KIAA1549: variants seen among roughly 807,000 people sequenced by gnomAD.
The protein encoded by KIAA1549 is KIAA1549.
Under a neutral mutation model 156.4 loss-of-function variants are expected in KIAA1549, and 70 were observed. The ratio of observed to expected loss-of-function variants is 0.45; its 90% CI spans 0.37 to 0.55. The LOEUF (loss-of-function observed/expected upper bound fraction) is 0.55. Ranked by LOEUF, KIAA1549 falls within the 20% of genes least tolerant of loss-of-function variation. The pLI is 0.00. For missense variants in KIAA1549, 2,428 were observed against 2,540.9 expected (o/e 0.96, Z 0.96); for synonymous variants, 1,103 against 1,066.4 (o/e 1.03, Z -0.67).
At chr7:138,921,976 G>A (rs556560448) in intron 1 of KIAA1549, among the ~76,000 whole-genome samples, 3 of 152,312 alleles carry the variant, frequency 2.0e-5, no homozygotes, top group African/African-American at 7.2e-5. Context: ...ACAAGTCAAG[G>A]AACAGCAAAG....
chr7:138,912,748 C>G (rs1320798752), intron 2 of KIAA1549, among the ~76,000 whole-genome samples: 2 of 152,146 alleles, frequency 1.3e-5, no homozygotes, highest in Non-Finnish European at 2.9e-5. Context: ...GATCAGGAAT[C>G]AGCAGTGATG....
chr7:138,915,601 C>T (rs55750236), intron 2 of KIAA1549, among the ~76,000 whole-genome samples: 17,434 of 151,966 alleles, frequency 0.11, 1,113 homozygotes, highest in African/African-American at 0.17. Flanking sequence ...CCAGCAACCC[C>T]GACCACAGAG....
rs1347857306 is a variant in KIAA1549, at chr7:138,871,197, G to A, written c.4511C>T (p.Pro1504Leu). ...IPAPPVQRPS[P>L]ADRVAESNKI... ...ATTGCTTTCCGCCACTCGGTCGGCT[G>A]GGGAGGGGCGCTGGACGGGAGGTGC... Residue 1504 changes from proline (P) to leucine (L), a missense_variant, in exon 13 of 20, where the codon CCA (proline) becomes CTA (leucine). This residue lies in a region of KIAA1549 where 404 missense variants were observed against 417.0 expected (regional missense o/e 0.97). Transcript: ENST00000422774. 1.9e-6 allele frequency: 3 copies of A among 1,613,278 alleles called. No individual in the cohort carries two copies. The highest frequency in any genetic ancestry group is 1.6e-4 in the Middle Eastern group (1 of 6,062).
intron 10 of KIAA1549, among the ~76,000 whole-genome samples, chr7:138,892,333 T>C (rs913558686): frequency 1.3e-5 from 2 of 152,232 alleles, no homozygotes; most frequent in Admixed American, 6.5e-5. Context: ...TGGACTTCCA[T>C]GGCAGTGTAT....
chr7:138,947,587 T>C (rs1334594092), intron 1 of KIAA1549, among the ~76,000 whole-genome samples: 1 of 152,164 alleles, frequency 6.6e-6, no homozygotes, highest in Admixed American at 6.5e-5. Flanking sequence ...ACAAAACATA[T>C]ACAATACCAA....
chr7:138,838,194 A>C, intron 19 of KIAA1549, 34 bp from the exon 20 acceptor site: 2 of 1,444,878 alleles, frequency 1.4e-6, no homozygotes, highest in South Asian at 2.9e-5. Context: ...TGTACTTCCT[A>C]CGAAGAATAA....
intron 1 of KIAA1549, among the ~76,000 whole-genome samples, chr7:138,938,786 G>A (rs764391894): frequency 1.8e-4 from 27 of 152,302 alleles, no homozygotes; most frequent in African/African-American, 5.8e-4. Context: ...AGTGGCTCAC[G>A]CCTATAATCC....
Position 138,918,615 on chromosome 7 carries a change from G to A in KIAA1549, c.1011C>T (p.Ile337=). 1.2e-6 allele frequency: 2 copies of A among 1,613,992 alleles called. No homozygotes were observed. The highest frequency in any genetic ancestry group is 1.7e-6 in the Non-Finnish European group (2 of 1,179,898). The change falls in exon 2 of 20, where the codon ATC becomes ATT. Residue 337 remains isoleucine (I), a synonymous_variant. Transcript: ENST00000422774. The surrounding 1 kb of genome is among the most constrained non-coding windows in gnomAD (Gnocchi z 4.2). ...TVLSQSLEET[I]SPRTYPTVTA... is the part of the protein sequence containing the mutation. Reference sequence around the variant, plus strand: ...TCACAGTGGGGTATGTTCTTGGAGAGATGGTTTCTTCTAGGCTTTGACTCA... The same window carrying A: ...TCACAGTGGGGTATGTTCTTGGAGAAATGGTTTCTTCTAGGCTTTGACTCA...
At chr7:138,864,627 G>A (rs964141759) in intron 15 of KIAA1549, among the ~76,000 whole-genome samples, 6 of 152,078 alleles carry the variant, frequency 3.9e-5, no homozygotes, top group South Asian at 2.1e-4. Context: ...CACTGTTTAC[G>A]GATTTTGGTG....
At chr7:138,908,189 G>C (rs1014216826) in intron 5 of KIAA1549, among the ~76,000 whole-genome samples, 1 of 135,572 alleles carries the variant, frequency 7.4e-6, no homozygotes, top group African/African-American at 2.7e-5. Context: ...CTAACAGCAC[G>C]AAAGCAAAGC....
rs552035445 is a variant in KIAA1549, at chr7:138,854,997, G to A, written c.5248-2728C>T. 6.6e-5 allele frequency among the ~76,000 whole-genome samples: 10 copies of A among 152,294 alleles called. No homozygotes were observed. The South Asian group carries it at 1.2e-3, about 19-fold the overall frequency. ...CAAGGGGGAAACAAACAAACAAAAC[G>A]AAGATTCTGGCAGCACGATGTGGCT... On this transcript the variant is annotated intron_variant, in intron 16 of 19. Coordinates refer to ENST00000422774, the MANE Select transcript of KIAA1549 (RefSeq NM_001164665.2).
intron 1 of KIAA1549, among the ~76,000 whole-genome samples, chr7:138,950,346 T>C (rs558023153): frequency 6.6e-6 from 1 of 152,284 alleles, no homozygotes; most frequent in South Asian, 2.1e-4. Flanking sequence ...CTAACAAAGT[T>C]TGAAAGCCAC....
Position 138,981,048 on chromosome 7 carries a change from C to T in KIAA1549, c.187+35G>A. ...CAGCAGCGATAAAGGCAGGCGGGGT[C>T]GCGGCCGCGTTCCGAGGGTCTCGGC... On this transcript the variant is annotated intron_variant, in intron 1 of 19. Transcript: ENST00000422774. This position sits in a 1 kb window ranked among gnomAD's most constrained non-coding sequence, Gnocchi z 4.5. 1 of 1,220,386 alleles carries T rather than the reference C, an allele frequency of 8.2e-7. No homozygotes were observed. Among genetic ancestry groups the T allele is most frequent in the Non-Finnish European group, 1.0e-6 (1 of 979,460 alleles). 75.6% of individuals were successfully genotyped at this position (1,220,386 alleles called of 1,614,324 possible).
At chr7:138,897,267 T>A (rs1811708783) in intron 9 of KIAA1549, among the ~76,000 whole-genome samples, 1 of 152,168 alleles carries the variant, frequency 6.6e-6, no homozygotes, top group Admixed American at 6.5e-5. Context: ...CAATATGTGA[T>A]CATATCTCAC....
chr7:138,843,826 A>G (rs564414119), intron 18 of KIAA1549, among the ~76,000 whole-genome samples: 30 of 152,340 alleles, frequency 2.0e-4, no homozygotes, highest in African/African-American at 6.7e-4. Context: ...AATGCAAAAT[A>G]AAAGAATTTC....
chr7:138,907,844 G>A (rs140470066), intron 5 of KIAA1549, among the ~76,000 whole-genome samples: 5 of 152,226 alleles, frequency 3.3e-5, no homozygotes, highest in African/African-American at 7.2e-5. Flanking sequence ...TGTGCACACC[G>A]AAGAAGGAAA....
At chr7:138,897,221 G>A (rs1251087156) in intron 9 of KIAA1549, among the ~76,000 whole-genome samples, 1 of 152,206 alleles carries the variant, frequency 6.6e-6, no homozygotes, top group Non-Finnish European at 1.5e-5. Flanking sequence ...AAGTGCTTTT[G>A]CTATTTTTTG....
In KIAA1549 at chr7:138,917,652, G is replaced by C; in HGVS notation, c.1974C>G (p.Phe658Leu). Residue 658 changes from phenylalanine to leucine, a missense_variant, in exon 2 of 20, where the codon TTC becomes TTG. By Grantham distance (22) the Phe-to-Leu change is conservative. Coordinates refer to ENST00000422774, the MANE Select transcript of KIAA1549 (RefSeq NM_001164665.2). The part of the protein sequence containing the change: ...LSLMPSDLSP[F>L]TSQSFSPLVE... ...CCAAGGGAGAAAAAGACTGAGATGTGAAGGGGGACAAGTCACTCGGCATCA... is the reference window on the plus strand; with the variant it reads ...CCAAGGGAGAAAAAGACTGAGATGTCAAGGGGGACAAGTCACTCGGCATCA... 2.5e-6 allele frequency: 4 copies of C among 1,613,294 alleles called. No homozygotes were observed. Among genetic ancestry groups the C allele is most frequent in the Non-Finnish European group, 3.4e-6 (4 of 1,179,554 alleles).
In KIAA1549 at chr7:138,844,316, C is replaced by T; in HGVS notation, c.5452+1G>A. ...AATGGAAGCTAAACAGCCACATATA[C>T]CTGTGGTACCCCCGACAGGCCGAGG... On this transcript the variant is annotated splice_donor_variant, in intron 18 of 19. Transcript: ENST00000422774. LOFTEE classifies it high-confidence loss of function. 4 of 1,613,942 alleles carry T rather than the reference C, an allele frequency of 2.5e-6. No individual in the cohort carries two copies. Among genetic ancestry groups the T allele is most frequent in the Non-Finnish European group, 3.4e-6 (4 of 1,179,882 alleles).
Sources: gnomAD v4.1 joint callset for allele counts (sites outside exome capture counted in the v4.1 genomes callset) on GRCh38, gnomAD v4.1.1 for gene constraint, gnomAD v4.1.1 regional missense constraint, Gnocchi (gnomAD v3.1) non-coding constraint, MANE v1.5 for transcripts, NCBI Gene and HGNC (gene_info 2026-07-23, HGNC 2026-07-21) for gene names.